The following CACUL1 variants were observed in gnomAD, a reference collection of about 807,000 sequenced individuals.
The protein encoded by CACUL1 is CDK2-associated and cullin domain-containing protein 1.
CACUL1 carries 13 observed loss-of-function variants against 45.2 expected under a neutral mutation model. The ratio of observed to expected loss-of-function variants is 0.29; its 90% CI spans 0.19 to 0.46. The LOEUF is 0.46. Ranked by LOEUF, CACUL1 falls within the 20% of genes least tolerant of loss-of-function variation. The pLI is 1.00. For synonymous variants in CACUL1, 197 were observed against 174.2 expected, an observed-to-expected ratio of 1.13 and a Z score of -1.03; for missense variants, 421 against 471.4, an observed-to-expected ratio of 0.89 and a Z score of 0.99.
chr10:118,737,987 G>A (rs1845755158), intron 1 of CACUL1, among the ~76,000 whole-genome samples: 1 of 152,206 alleles, frequency 6.6e-6, no homozygotes, highest in Non-Finnish European at 1.5e-5. Context: ...TGTAAACTAT[G>A]CTAACTGCAG....
Position 118,685,982 on chromosome 10 carries a change from C to A in CACUL1, c.*146G>T. 30 of 424,496 alleles carry A rather than the reference C, an allele frequency of 7.1e-5. No homozygotes were observed. Among genetic ancestry groups the A allele is most frequent in the East Asian group, 1.1e-4 (3 of 27,404 alleles). The allele number at this position is 424,496 out of a possible 1,614,324, so 26.3% of individuals were successfully genotyped here. On this transcript the variant is annotated 3_prime_UTR_variant, in exon 9 of 9. Coordinates refer to ENST00000369151, the MANE Select transcript of CACUL1 (RefSeq NM_153810.5). ...TTAGTTTTTGTTTTAAAATTACAAACCAAGTAAGAAGTCCAACATCCTCTT... is the reference window on the plus strand; with the variant it reads ...TTAGTTTTTGTTTTAAAATTACAAAACAAGTAAGAAGTCCAACATCCTCTT...
intron 4 of CACUL1, among the ~76,000 whole-genome samples, chr10:118,707,038 A>C (rs1402829763): frequency 2.0e-5 from 3 of 152,208 alleles, no homozygotes; most frequent in African/African-American, 7.2e-5. Flanking sequence ...TGATCAACAA[A>C]GTCACAGTCT....
intron 3 of CACUL1, among the ~76,000 whole-genome samples, chr10:118,708,002 G>T (rs1180011701): frequency 1.3e-5 from 2 of 151,874 alleles, no homozygotes; most frequent in Non-Finnish European, 2.9e-5. Flanking sequence ...ACAAAAATTA[G>T]CCAGGTGGGG....
At chr10:118,715,352 A>C (rs575198298) in intron 3 of CACUL1, among the ~76,000 whole-genome samples, 1 of 152,338 alleles carries the variant, frequency 6.6e-6, no homozygotes, top group African/African-American at 2.4e-5. Context: ...TAAACAAGGA[A>C]GGTTGATTGG....
At chr10:118,701,162 C>T in intron 5 of CACUL1, 144 bp downstream of exon 5, 1 of 459,460 alleles carries the variant, frequency 2.2e-6, no homozygotes, top group Non-Finnish European at 3.9e-6. Context: ...TGCAGTGTCT[C>T]AGGTGGGCTT....
At position 118,686,123 on chromosome 10, in the gene CACUL1, A is replaced by C; in HGVS notation, c.*5T>G. The C allele has an allele frequency of 5.6e-6, 9 of 1,609,428 alleles. No individual in the cohort carries two copies. Among genetic ancestry groups the C allele is most frequent in the Non-Finnish European group, 6.8e-6 (8 of 1,175,828 alleles). On this transcript the variant is annotated 3_prime_UTR_variant, in exon 9 of 9. Transcript: ENST00000369151. ...TCAGGAAGGAAAGCATATTCAATAC[A>C]TTCACTATCTGTACCCCCTGGAACT...
At chr10:118,716,819 G>A (rs187265861) in intron 3 of CACUL1, among the ~76,000 whole-genome samples, 2 of 152,226 alleles carry the variant, frequency 1.3e-5, no homozygotes, top group African/African-American at 4.8e-5. Context: ...AGCCAGGGTG[G>A]TCTCGATCTC....
intron 1 of CACUL1, among the ~76,000 whole-genome samples, chr10:118,745,455 G>A (rs1427514391): frequency 6.6e-6 from 1 of 152,076 alleles, no homozygotes; most frequent in African/African-American, 2.4e-5. Flanking sequence ...CCAGCTACTC[G>A]GGAGGCTGAG....
At position 118,729,292 on chromosome 10, in the gene CACUL1, T is replaced by C; in HGVS notation, c.597+3A>G. On this transcript the variant is annotated splice_donor_region_variant and intron_variant, in intron 3 of 8. Coordinates refer to ENST00000369151, the MANE Select transcript of CACUL1 (RefSeq NM_153810.5). Reference sequence around the variant, plus strand: ...GCAAAAATCAATACAATCAGTTCTTTACCTGCAGCTCCTTTGAGACTCTCT... The same window carrying C: ...GCAAAAATCAATACAATCAGTTCTTCACCTGCAGCTCCTTTGAGACTCTCT... 6.2e-7 allele frequency: 1 copy of C among 1,608,292 alleles called. No individual in the cohort carries two copies. The highest frequency in any genetic ancestry group is 8.5e-7 in the Non-Finnish European group (1 of 1,175,256).
chr10:118,733,445 A>G lies in CACUL1; in HGVS notation c.368-3035T>C, dbSNP rs78249987. On this transcript the variant is annotated intron_variant, in intron 1 of 8. Coordinates refer to ENST00000369151, the MANE Select transcript of CACUL1 (RefSeq NM_153810.5). ...TCAGTAACCTTATATGCTAGCTAACATAACTTTCTTCCCAGGAAGGTTCTT... is the reference window on the plus strand; with the variant it reads ...TCAGTAACCTTATATGCTAGCTAACGTAACTTTCTTCCCAGGAAGGTTCTT... Among the ~76,000 whole-genome samples, 893 of 152,308 alleles carry G rather than the reference A, an allele frequency of 5.9e-3. 7 individuals are homozygous for G. The highest frequency in any genetic ancestry group is 0.021 in the African/African-American group (853 of 41,536).
intron 3 of CACUL1, among the ~76,000 whole-genome samples, chr10:118,723,213 A>T (rs916612637): frequency 6.6e-6 from 1 of 152,048 alleles, no homozygotes; most frequent in African/African-American, 2.4e-5. Context: ...TCTTTATTTT[A>T]AAATTATTCC....
intron 1 of CACUL1, among the ~76,000 whole-genome samples, chr10:118,741,455 GAGAC>G (rs892067148): frequency 8.0e-5 from 12 of 150,328 alleles, no homozygotes; most frequent in Admixed American, 5.9e-4. Context: ...CACCTTAAAA[GAGAC>G]AGACAGACAC....
chr10:118,707,732 T>C, intron 3 of CACUL1, 145 bp from the exon 4 acceptor site: 1 of 523,832 alleles, frequency 1.9e-6, no homozygotes, highest in Non-Finnish European at 3.3e-6. Flanking sequence ...ACACGTACAC[T>C]CTGAAGGTAA....
Position 118,678,429 on chromosome 10 carries a change from A to G in CACUL1, c.*7699T>C, listed in dbSNP as rs557431290. ...TCTTGTAGTGCTAGTTCCCCTCACA[A>G]TCCATTCAGAAAGGTCTTGGATATC... On this transcript the variant is annotated 3_prime_UTR_variant, in exon 9 of 9. Coordinates refer to ENST00000369151, the MANE Select transcript of CACUL1 (RefSeq NM_153810.5). 1 of 152,154 alleles carries G rather than the reference A, an allele frequency of 6.6e-6. No individual in the cohort carries two copies. Among genetic ancestry groups the G allele is most frequent in the South Asian group, 2.1e-4 (1 of 4,830 alleles). The allele number at this position is 152,154 out of a possible 1,614,324, so 9.4% of individuals were successfully genotyped here. A position where few individuals can be genotyped will look rare whatever the true frequency, so the allele number is the denominator to read the frequency against.
intron 3 of CACUL1, among the ~76,000 whole-genome samples, chr10:118,713,317 C>T (rs977642045): frequency 6.6e-6 from 1 of 152,174 alleles, no homozygotes; most frequent in East Asian, 1.9e-4. Flanking sequence ...TTCCTGGGCC[C>T]CCAAGAATGC....
At chr10:118,750,585 C>T (rs1325369148) in intron 1 of CACUL1, among the ~76,000 whole-genome samples, 2 of 152,172 alleles carry the variant, frequency 1.3e-5, no homozygotes, top group East Asian at 1.9e-4. Flanking sequence ...AAGCTGTTTT[C>T]ACCTTACAGT....
chr10:118,693,727 C>T (rs1845293714), intron 6 of CACUL1: 1 of 456,890 alleles, frequency 2.2e-6, no homozygotes, highest in Non-Finnish European at 4.4e-6. Flanking sequence ...ATCTTCATCA[C>T]ACTGCTGTAA....
Position 118,684,222 on chromosome 10 carries a change from A to G in CACUL1, c.*1906T>C, listed in dbSNP as rs144784285. 2.6e-5 allele frequency: 4 copies of G among 152,780 alleles called. No individual in the cohort carries two copies. The highest frequency in any genetic ancestry group is 9.6e-5 in the African/African-American group (4 of 41,580). The allele number at this position is 152,780 out of a possible 1,614,324, so 9.5% of individuals were successfully genotyped here. A position where few individuals can be genotyped will look rare whatever the true frequency, so the allele number is the denominator to read the frequency against. ...AGAAAAAGCATTTGGGTATATTATT[A>G]GGATACTGAAGAATTTCTCCACATT... On this transcript the variant is annotated 3_prime_UTR_variant, in exon 9 of 9. Transcript: ENST00000369151.
intron 3 of CACUL1, among the ~76,000 whole-genome samples, chr10:118,723,066 C>T (rs975519516): frequency 3.3e-5 from 5 of 152,028 alleles, no homozygotes; most frequent in African/African-American, 1.2e-4. Flanking sequence ...GGAACAGTAC[C>T]AATCTGAAAT....
Sources: allele counts gnomAD v4.1 joint callset (sites outside exome capture counted in the v4.1 genomes callset), GRCh38; gene constraint gnomAD v4.1.1; transcripts MANE v1.5; gene names NCBI Gene and HGNC (gene_info 2026-07-23, HGNC 2026-07-21).